RASAL2: variants seen among roughly 807,000 people sequenced by gnomAD.
The protein encoded by RASAL2 is RAS protein activator like 2, also known as ras GTPase-activating protein nGAP.
Under a neutral mutation model 128.9 loss-of-function variants are expected in RASAL2, and 58 were observed. The ratio of observed to expected loss-of-function variants is 0.45; its 90% CI spans 0.36 to 0.56. RASAL2 has a LOEUF of 0.56. Ranked by LOEUF, RASAL2 falls within the 20% of genes least tolerant of loss-of-function variation. The probability of loss-of-function intolerance (pLI) is 0.00; values close to 1 mark genes in which losing one functional copy is unlikely to be tolerated. For synonymous variants in RASAL2, 561 were observed against 580.8 expected (o/e 0.97, Z 0.49); for missense variants, 1,360 against 1,601.6 (o/e 0.85, Z 2.57).
At chr1:178,465,399 T>C (rs751138522) in intron 15 of RASAL2, among the ~76,000 whole-genome samples, 1 of 152,190 alleles carries the variant, frequency 6.6e-6, no homozygotes, top group Non-Finnish European at 1.5e-5. Flanking sequence ...GGGCTGATTC[T>C]AGTAGAACAA....
At chr1:178,332,859 C>T (rs574803077) in intron 3 of RASAL2, among the ~76,000 whole-genome samples, 1 of 152,044 alleles carries the variant, frequency 6.6e-6, no homozygotes, top group South Asian at 2.1e-4. Context: ...GCCTCAGCCT[C>T]CCAAAGTGCT....
chr1:178,467,032 GT>G (rs930755662), intron 16 of RASAL2, among the ~76,000 whole-genome samples: 1 of 152,168 alleles, frequency 6.6e-6, no homozygotes, highest in Admixed American at 6.5e-5. Flanking sequence ...AGGGTTGTTT[GT>G]TTTTTGTTGG....
In RASAL2 at chr1:178,277,135, G is replaced by A. The variant is rs1420322916; in HGVS notation, c.203-6429G>A. Among the ~76,000 whole-genome samples, 15 of 118,244 alleles carry A rather than the reference G, an allele frequency of 1.3e-4. 1 individual carries two copies. The highest frequency in any genetic ancestry group is 5.0e-4 in the African/African-American group (15 of 29,930). The allele number at this position is 118,244 out of a possible 152,430, so 77.6% of individuals were successfully genotyped here. On this transcript the variant is annotated intron_variant, in intron 1 of 17. Coordinates refer to ENST00000367649, the MANE Select transcript of RASAL2 (RefSeq NM_170692.4). ...TGCACTCCAGCCTGGGCGACAGAGTGAGATTCCCTCTCAAAAAAAAAAAAA... is the reference window on the plus strand; with the variant it reads ...TGCACTCCAGCCTGGGCGACAGAGTAAGATTCCCTCTCAAAAAAAAAAAAA...
At chr1:178,369,562 A>G (rs186179197) in intron 3 of RASAL2, among the ~76,000 whole-genome samples, 22 of 152,226 alleles carry the variant, frequency 1.4e-4, no homozygotes, top group Admixed American at 8.5e-4. Context: ...ACAGAAGGCA[A>G]ATTCATAGGG....
intron 3 of RASAL2, among the ~76,000 whole-genome samples, chr1:178,354,062 G>A (rs1027239605): frequency 1.3e-5 from 2 of 151,984 alleles, no homozygotes; most frequent in Non-Finnish European, 2.9e-5. Flanking sequence ...ATACCACCTA[G>A]CAATGACACA....
At position 178,094,640 on chromosome 1, in the gene RASAL2, G is replaced by A. The variant is rs1284574015; in HGVS notation, c.148G>A (p.Asp50Asn). The change falls in exon 1 of 18, where the codon GAT becomes AAT. Residue 50 changes from aspartate (D) to asparagine (N), a missense_variant. Transcript: ENST00000367649. ...VSGAVAGGML[D>N]RILLESVCQQ... The stretch of plus-strand genomic sequence containing the variant: ...TGGAGCCGTCGCCGGTGGCATGTTG[G>A]ATCGGATCCTTCTGGAGTCCGTGTG... 6.2e-7 allele frequency: 1 copy of A among 1,613,932 alleles called. No individual in the cohort carries two copies. Among genetic ancestry groups the A allele is most frequent in the Admixed American group, 1.7e-5 (1 of 60,000 alleles).
chr1:178,457,540 C>T (rs1677860618), intron 13 of RASAL2, 143 bp from the exon 14 acceptor site: 2 of 858,398 alleles, frequency 2.3e-6, no homozygotes, highest in Admixed American at 2.9e-5. Context: ...TAATAATTCC[C>T]TAATTAGATA....
chr1:178,238,488 C>T (rs1664353727), intron 1 of RASAL2, among the ~76,000 whole-genome samples: 2 of 152,050 alleles, frequency 1.3e-5, no homozygotes, highest in Non-Finnish European at 2.9e-5. Context: ...TGTTTTGTGA[C>T]CTTAAGTCAC....
chr1:178,297,865 A>G (rs1339313488), intron 2 of RASAL2, among the ~76,000 whole-genome samples: 2 of 152,156 alleles, frequency 1.3e-5, no homozygotes, highest in Non-Finnish European at 2.9e-5. Context: ...CAGAGACAAA[A>G]TATGTCCTCA....
At chr1:178,248,754 C>T (rs1664904605) in intron 1 of RASAL2, among the ~76,000 whole-genome samples, 3 of 152,130 alleles carry the variant, frequency 2.0e-5, no homozygotes, top group African/African-American at 7.2e-5. Context: ...AATTTCTCAG[C>T]ATTTGCTTGT....
chr1:178,426,730 G>A (rs1449871644), intron 5 of RASAL2, among the ~76,000 whole-genome samples: 1 of 152,132 alleles, frequency 6.6e-6, no homozygotes, highest in Non-Finnish European at 1.5e-5. Flanking sequence ...GTGGAGCAAT[G>A]TCTTGAAAAT....
intron 1 of RASAL2, among the ~76,000 whole-genome samples, chr1:178,165,108 C>G (rs916882679): frequency 6.6e-6 from 1 of 151,830 alleles, no homozygotes. Flanking sequence ...GAGTCTTGAG[C>G]GCATGGATTT....
At chr1:178,191,978 T>A (rs1662509082) in intron 1 of RASAL2, among the ~76,000 whole-genome samples, 1 of 152,118 alleles carries the variant, frequency 6.6e-6, no homozygotes, top group South Asian at 2.1e-4. Context: ...ATTATAAAAA[T>A]AACCCTTGAT....
intron 1 of RASAL2, among the ~76,000 whole-genome samples, chr1:178,126,610 C>T (rs1425454721): frequency 6.6e-6 from 1 of 152,190 alleles, no homozygotes; most frequent in Non-Finnish European, 1.5e-5. Flanking sequence ...TCACTTATTT[C>T]TGAAATCTAT....
chr1:178,457,788 T>C lies in RASAL2; in HGVS notation c.2496T>C (p.Tyr832=). The change falls in exon 14 of 18, where the codon TAT becomes TAC. Residue 832 remains tyrosine (Y), a synonymous_variant. Coordinates refer to ENST00000367649, the MANE Select transcript of RASAL2 (RefSeq NM_170692.4). ...VQQASSQSMT[Y]SEKDERESSL... ...AAGCCTCCTCTCAGAGCATGACTTA[T>C]TCTGAAAAGGATGAAAGGGAAAGTA... 6.2e-7 allele frequency: 1 copy of C among 1,614,204 alleles called. No individual in the cohort carries two copies. The highest frequency in any genetic ancestry group is 8.5e-7 in the Non-Finnish European group (1 of 1,180,022).
chr1:178,468,425 C>T (rs1647956435), intron 17 of RASAL2, among the ~76,000 whole-genome samples: 1 of 152,142 alleles, frequency 6.6e-6, no homozygotes, highest in African/African-American at 2.4e-5. Context: ...TTTTAGAGCC[C>T]CCAGTATTCT....
chr1:178,331,253 C>G (rs958283704), intron 3 of RASAL2, among the ~76,000 whole-genome samples: 11 of 152,176 alleles, frequency 7.2e-5, no homozygotes, highest in Non-Finnish European at 1.5e-4. Flanking sequence ...AAACTGCAGC[C>G]TCAACCTCCT....
At chr1:178,128,340 C>T (rs1178974928) in intron 1 of RASAL2, among the ~76,000 whole-genome samples, 2 of 151,910 alleles carry the variant, frequency 1.3e-5, no homozygotes, top group East Asian at 3.9e-4. Context: ...TAACATAATA[C>T]TTAATTTCTC....
intron 3 of RASAL2, among the ~76,000 whole-genome samples, chr1:178,385,498 G>T (rs762757305): frequency 1.3e-5 from 2 of 151,746 alleles, no homozygotes; most frequent in Non-Finnish European, 2.9e-5. Flanking sequence ...AATACGATTT[G>T]TACCTTTTGG....
Sources: gnomAD v4.1 joint callset for allele counts (sites outside exome capture counted in the v4.1 genomes callset) on GRCh38, gnomAD v4.1.1 for gene constraint, MANE v1.5 for transcripts, NCBI Gene and HGNC (gene_info 2026-07-23, HGNC 2026-07-21) for gene names.